The following ZBTB8A variants were observed in gnomAD, a reference collection of about 807,000 sequenced individuals.
ZBTB8A encodes the protein zinc finger and BTB domain-containing protein 8A.
Under a neutral mutation model 37.8 loss-of-function variants are expected in ZBTB8A, and 19 were observed. The observed-to-expected ratio is 0.50, with a 90% confidence interval of 0.35 to 0.74. The LOEUF (loss-of-function observed/expected upper bound fraction) is 0.74. Among genes scored for constraint, ZBTB8A ranks in the 30% least tolerant of loss-of-function variants. The pLI is 0.01. For synonymous variants in ZBTB8A, 181 were observed against 185.2 expected, an observed-to-expected ratio of 0.98 and a Z score of 0.19; for missense variants, 394 against 537.8, an observed-to-expected ratio of 0.73 and a Z score of 2.65.
At position 32,567,791 on chromosome 1, in the gene ZBTB8A, CAAAAAAAAA is replaced by C. The variant is rs1214976482; in HGVS notation, c.-2+14275_-2+14283del. ...TGGGTGATAGAGCAGGATTCTGTCTCAAAAAAAAAAAAAAAAAAAAAAAAAAAAAAAACA... is the reference window on the plus strand; with the variant it reads ...TGGGTGATAGAGCAGGATTCTGTCTCAAAAAAAAAAAAAAAAAAAAAAACA... On this transcript the variant is annotated intron_variant, in intron 2 of 4. Transcript: ENST00000373510. Among the ~76,000 whole-genome samples, 25 of 6,442 alleles carry C rather than the reference CAAAAAAAAA, an allele frequency of 3.9e-3. No individual in the cohort carries two copies. The South Asian group carries it at 0.086, about 22-fold the overall frequency. The allele number at this position is 6,442 out of a possible 152,430, so 4.2% of individuals were successfully genotyped here.
chr1:32,539,799 C>G (rs1557697465), intron 1 of ZBTB8A, among the ~76,000 whole-genome samples: 1 of 145,746 alleles, frequency 6.9e-6, no homozygotes, highest in Admixed American at 6.8e-5. Flanking sequence ...CCCGCCTCGC[C>G]GCCCGGCCCG....
chr1:32,568,632 C>A (rs1429004915), intron 2 of ZBTB8A, among the ~76,000 whole-genome samples: 1 of 152,006 alleles, frequency 6.6e-6, no homozygotes, highest in Non-Finnish European at 1.5e-5. Flanking sequence ...GTGATCCGCC[C>A]GCCTCGGCCT....
At position 32,578,412 on chromosome 1, in the gene ZBTB8A, T is replaced by C. The variant is rs112544996; in HGVS notation, c.-1-14519T>C. ...ATTTTTAGTAGAGACGTGGTTTCAC[T>C]GTGTTAGCTAGTCTGGTCTCCATCT... On this transcript the variant is annotated intron_variant, in intron 2 of 4. Transcript: ENST00000373510. 3.0e-3 allele frequency among the ~76,000 whole-genome samples: 454 copies of C among 152,028 alleles called. 2 individuals are homozygous for C. Among genetic ancestry groups the C allele is most frequent in the African/African-American group, 0.01 (431 of 41,492 alleles).
chr1:32,541,911 A>G (rs971914067), intron 1 of ZBTB8A, among the ~76,000 whole-genome samples: 2 of 152,200 alleles, frequency 1.3e-5, no homozygotes, highest in Non-Finnish European at 2.9e-5. Context: ...CATAGCTCTT[A>G]AATGTTTTTA....
Position 32,601,968 on chromosome 1 carries a change from A to G in ZBTB8A, c.*1549A>G, listed in dbSNP as rs775326376. The G allele has an allele frequency of 1.4e-5, 4 of 285,492 alleles. No individual in the cohort carries two copies. The highest frequency in any genetic ancestry group is 2.6e-5 in the Non-Finnish European group (4 of 156,286). The allele number at this position is 285,492 out of a possible 1,614,324, so 17.7% of individuals were successfully genotyped here. A position where few individuals can be genotyped will look rare whatever the true frequency, so the allele number is the denominator to read the frequency against. ...AATTATTCACTTAAATATGTTGAAC[A>G]TTTTTGCTTCTCTTGTTTATATAAT... On this transcript the variant is annotated 3_prime_UTR_variant, in exon 5 of 5. Coordinates refer to ENST00000373510, the MANE Select transcript of ZBTB8A (RefSeq NM_001040441.3).
intron 2 of ZBTB8A, among the ~76,000 whole-genome samples, chr1:32,560,473 CT>C (rs541336957): frequency 2.6e-3 from 396 of 151,892 alleles, no homozygotes; most frequent in Admixed American, 5.9e-3. Flanking sequence ...TTTTTTTCTG[CT>C]TTTTTTCCTT....
chr1:32,587,397 T>C (rs1644457759), intron 2 of ZBTB8A, among the ~76,000 whole-genome samples: 1 of 151,964 alleles, frequency 6.6e-6, no homozygotes, highest in South Asian at 2.1e-4. Flanking sequence ...GCTGGTAGAA[T>C]GGAGATTACA....
chr1:32,539,740 G>GCCCGCGGGGCCGGCCCTTTCTGC (rs1644033920), intron 1 of ZBTB8A, among the ~76,000 whole-genome samples, 168 bp downstream of exon 1: 14 of 44,650 alleles, frequency 3.1e-4, no homozygotes, highest in South Asian at 9.3e-4. Flanking sequence ...CGCGGCGGGA[G>GCCCGCGGGGCCGGCCCTTTCTGC]GCGCCCGGGA....
chr1:32,581,500 C>T lies in ZBTB8A; in HGVS notation c.-1-11431C>T, dbSNP rs190464573. Among the ~76,000 whole-genome samples the T allele has an allele frequency of 7.3e-3, 1,099 of 150,476 alleles. 18 individuals are homozygous for T. The highest frequency in any genetic ancestry group is 0.025 in the African/African-American group (1,012 of 40,908). ...CCAAGTAGCTGGGATTACAGGCGCA[C>T]GCCAACATGTCTGGCTAATTTTTGT... On this transcript the variant is annotated intron_variant, in intron 2 of 4. Transcript: ENST00000373510.
chr1:32,570,288 A>G (rs1644314561), intron 2 of ZBTB8A, among the ~76,000 whole-genome samples: 1 of 152,172 alleles, frequency 6.6e-6, no homozygotes, highest in Non-Finnish European at 1.5e-5. Context: ...TGCCTGTCTT[A>G]CTGCCAATAA....
chr1:32,579,076 A>C (rs1276873142), intron 2 of ZBTB8A, among the ~76,000 whole-genome samples: 1 of 152,114 alleles, frequency 6.6e-6, no homozygotes, highest in Non-Finnish European at 1.5e-5. Flanking sequence ...CGTACTACTA[A>C]GATATTACTC....
At position 32,595,085 on chromosome 1, in the gene ZBTB8A, G is replaced by A. The variant is rs146320458; in HGVS notation, c.855G>A (p.Pro285=). The A allele has an allele frequency of 4.3e-4, 702 of 1,614,084 alleles. No individual in the cohort carries two copies. Among genetic ancestry groups the A allele is most frequent in the Middle Eastern group, 3.6e-3 (22 of 6,060 alleles). ...TGCCTCGGATGCGATTCAAGTGCCC[G>A]TACTGCACACATGTGGTGAAGCGGA... ...DDLPRMRFKC[P]YCTHVVKRKA... Residue 285 remains proline, a synonymous_variant, in exon 4 of 5, where the codon CCG becomes CCA. Transcript: ENST00000373510.
chr1:32,574,587 A>T (rs928505101), intron 2 of ZBTB8A, among the ~76,000 whole-genome samples: 1 of 152,144 alleles, frequency 6.6e-6, no homozygotes, highest in African/African-American at 2.4e-5. Context: ...ACAGAGCAAG[A>T]CCCTGTCTCT....
intron 2 of ZBTB8A, among the ~76,000 whole-genome samples, chr1:32,585,916 TTGCTTGAACCCAG>T (rs1644444910): frequency 6.6e-6 from 1 of 151,808 alleles, no homozygotes; most frequent in African/African-American, 2.4e-5. Context: ...GGCAGGAGAA[TTGCTTGAACCCAG>T]GAGGTGGAGG....
intron 2 of ZBTB8A, among the ~76,000 whole-genome samples, chr1:32,560,585 C>CCGT (rs1644236159): frequency 1.3e-5 from 2 of 148,776 alleles, no homozygotes; most frequent in South Asian, 4.3e-4. Flanking sequence ...ACAACTACTT[C>CCGT]CGTTCTTTCT....
intron 2 of ZBTB8A, among the ~76,000 whole-genome samples, chr1:32,575,226 C>CTTTTTTTTTTTTTTTTTTTTTTTTTTCTT (rs778765276): frequency 9.9e-6 from 1 of 101,020 alleles, no homozygotes; most frequent in Non-Finnish European, 2.0e-5. Flanking sequence ...CTTTTCTTTC[C>CTTTTTTTTTTTTTTTTTTTTTTTTTTCTT]TTTTTTTTTT....
intron 2 of ZBTB8A, among the ~76,000 whole-genome samples, chr1:32,555,348 C>T (rs929099914): frequency 1.3e-5 from 2 of 152,180 alleles, no homozygotes; most frequent in East Asian, 1.9e-4. Context: ...GAGACGGTGC[C>T]ACTGCACTCC....
intron 2 of ZBTB8A, among the ~76,000 whole-genome samples, chr1:32,563,868 C>T (rs1023731861): frequency 6.6e-6 from 1 of 152,124 alleles, no homozygotes; most frequent in Non-Finnish European, 1.5e-5. Flanking sequence ...CATCATAGAA[C>T]CTAGTCATCT....
intron 2 of ZBTB8A, among the ~76,000 whole-genome samples, chr1:32,581,127 C>CTATATTATA (rs1439846923): frequency 1.4e-4 from 2 of 14,496 alleles, no homozygotes; most frequent in Non-Finnish European, 2.9e-4. Flanking sequence ...ATATATATAA[C>CTATATTATA]TATATTATAT....
Sources: gnomAD v4.1 joint callset for allele counts (sites outside exome capture counted in the v4.1 genomes callset) on GRCh38, gnomAD v4.1.1 for gene constraint, MANE v1.5 for transcripts, NCBI Gene and HGNC (gene_info 2026-07-23, HGNC 2026-07-21) for gene names.